ANKS1B: variants seen among roughly 807,000 people sequenced by gnomAD.
ANKS1B encodes the protein ankyrin repeat and sterile alpha motif domain-containing protein 1B.
Under a neutral mutation model 148.3 loss-of-function variants are expected in ANKS1B, and 36 were observed. That is an observed-to-expected ratio of 0.24 (90% CI 0.19 to 0.32). The LOEUF (loss-of-function observed/expected upper bound fraction) is 0.32. ANKS1B is among the 10% of genes least tolerant of loss of function. The probability of loss-of-function intolerance (pLI) is 1.00; values close to 1 mark genes in which losing one functional copy is unlikely to be tolerated. For missense variants in ANKS1B, 1,157 were observed against 1,542.6 expected (o/e 0.75, Z 4.19); for synonymous variants, 542 against 560.8 (o/e 0.97, Z 0.47).
intron 14 of ANKS1B, among the ~76,000 whole-genome samples, chr12:99,237,727 G>T (rs1174430151): frequency 6.6e-6 from 1 of 152,136 alleles, no homozygotes; most frequent in Non-Finnish European, 1.5e-5. Flanking sequence ...ATGCTTTGAA[G>T]TGCTTCATAC....
At chr12:99,652,758 C>T (rs1240028245) in intron 9 of ANKS1B, among the ~76,000 whole-genome samples, 1 of 151,848 alleles carries the variant, frequency 6.6e-6, no homozygotes, top group Non-Finnish European at 1.5e-5. Flanking sequence ...AATAGGAAGG[C>T]AGAAATAAAC....
intron 12 of ANKS1B, among the ~76,000 whole-genome samples, chr12:99,288,767 G>C (rs974097066): frequency 1.3e-5 from 2 of 151,914 alleles, no homozygotes; most frequent in African/African-American, 4.8e-5. Context: ...CCTACAACAG[G>C]TATAAAAATA....
At position 99,844,930 on chromosome 12, in the gene ANKS1B, T is replaced by C. The variant is rs140747426; in HGVS notation, c.135-19541A>G. On this transcript the variant is annotated intron_variant, in intron 1 of 26. Coordinates refer to ENST00000683438, the MANE Select transcript of ANKS1B (RefSeq NM_001352186.2). ...TCTTTGAGCAGGGGTTTGTAGTTCTTTTTAAAGAGGTCCTTCACTTCCCTT... is the reference window on the plus strand; with the variant it reads ...TCTTTGAGCAGGGGTTTGTAGTTCTCTTTAAAGAGGTCCTTCACTTCCCTT... Among the ~76,000 whole-genome samples, 1,201 of 152,178 alleles carry C rather than the reference T, an allele frequency of 7.9e-3. 16 individuals are homozygous for C. The highest frequency in any genetic ancestry group is 0.027 in the African/African-American group (1,135 of 41,534).
chr12:99,562,026 T>C (rs186207861), intron 9 of ANKS1B, among the ~76,000 whole-genome samples: 2 of 152,360 alleles, frequency 1.3e-5, no homozygotes, highest in Admixed American at 1.3e-4. Flanking sequence ...GCTTGCAGAA[T>C]AGATGCTGTG....
At chr12:99,949,740 C>A (rs773365491) in intron 1 of ANKS1B, among the ~76,000 whole-genome samples, 4 of 152,156 alleles carry the variant, frequency 2.6e-5, no homozygotes, top group Non-Finnish European at 4.4e-5. Flanking sequence ...TAAACTATGG[C>A]CCACAGGGCA....
intron 12 of ANKS1B, among the ~76,000 whole-genome samples, chr12:99,362,359 G>T (rs1355157240): frequency 6.6e-6 from 1 of 151,876 alleles, no homozygotes; most frequent in Non-Finnish European, 1.5e-5. Flanking sequence ...AAGATCCTAC[G>T]AGAGGGGTTC....
chr12:99,480,471 T>C (rs2096393959), intron 10 of ANKS1B, among the ~76,000 whole-genome samples: 11 of 151,910 alleles, frequency 7.2e-5, no homozygotes, highest in Admixed American at 7.2e-4. Flanking sequence ...TAGATACTAA[T>C]GTTTTCACAT....
intron 8 of ANKS1B, among the ~76,000 whole-genome samples, chr12:99,721,635 G>A (rs746848399): frequency 3.9e-5 from 6 of 152,036 alleles, no homozygotes; most frequent in African/African-American, 4.8e-5. Flanking sequence ...ATCTCCCTTC[G>A]CTGACTCTCT....
chr12:98,877,062 C>T (rs1186484793), intron 17 of ANKS1B, among the ~76,000 whole-genome samples: 1 of 152,174 alleles, frequency 6.6e-6, no homozygotes, highest in Non-Finnish European at 1.5e-5. Flanking sequence ...AGAGTAGCAA[C>T]ACAGCCAATC....
At chr12:99,979,512 T>A (rs891702281) in intron 1 of ANKS1B, among the ~76,000 whole-genome samples, 2 of 152,064 alleles carry the variant, frequency 1.3e-5, no homozygotes, top group African/African-American at 4.8e-5. Context: ...AACAAATAAC[T>A]TCAGGAGATT....
intron 17 of ANKS1B, among the ~76,000 whole-genome samples, chr12:99,047,021 T>C (rs138399930): frequency 8.1e-4 from 123 of 152,232 alleles, no homozygotes; most frequent in African/African-American, 2.8e-3. Context: ...AATAGGACAT[T>C]GGTGAACTGT....
intron 17 of ANKS1B, among the ~76,000 whole-genome samples, chr12:98,863,468 T>A (rs898828988): frequency 6.6e-6 from 1 of 152,242 alleles, no homozygotes; most frequent in Non-Finnish European, 1.5e-5. Flanking sequence ...TGTGCCTGGT[T>A]AGGTGGAGAC....
intron 1 of ANKS1B, among the ~76,000 whole-genome samples, chr12:99,972,344 G>C (rs1300166817): frequency 1.3e-5 from 2 of 152,310 alleles, no homozygotes; most frequent in East Asian, 3.9e-4. Context: ...TAGCCAAGCT[G>C]CAAATGCAAA....
intron 8 of ANKS1B, among the ~76,000 whole-genome samples, chr12:99,667,276 G>A (rs1321019694): frequency 6.6e-6 from 1 of 151,784 alleles, no homozygotes; most frequent in Non-Finnish European, 1.5e-5. Context: ...TTGAGCCCGG[G>A]AGGCGGAGGT....
At position 99,547,023 on chromosome 12, in the gene ANKS1B, A is replaced by C. The variant is rs559359579; in HGVS notation, c.1273-42382T>G. 5.3e-5 allele frequency among the ~76,000 whole-genome samples: 8 copies of C among 152,220 alleles called. No individual in the cohort carries two copies. In the East Asian group the frequency reaches 1.2e-3, roughly 22 times the overall value. ...GCTGAGATCCCTACAGCAGTGGGACACTGGGTGGACTCTGGGGGGAAATCT... is the reference window on the plus strand; with the variant it reads ...GCTGAGATCCCTACAGCAGTGGGACCCTGGGTGGACTCTGGGGGGAAATCT... On this transcript the variant is annotated intron_variant, in intron 9 of 26. Transcript: ENST00000683438.
chr12:98,784,895 A>G (rs1429288047), intron 22 of ANKS1B, among the ~76,000 whole-genome samples: 6 of 152,196 alleles, frequency 3.9e-5, no homozygotes. Flanking sequence ...TATGAATGGC[A>G]GTGTTGGGGG....
chr12:99,781,355 A>C (rs916633677), intron 5 of ANKS1B, among the ~76,000 whole-genome samples: 1 of 152,180 alleles, frequency 6.6e-6, no homozygotes, highest in Non-Finnish European at 1.5e-5. Flanking sequence ...CCATAACATG[A>C]AAAATTCCAT....
At chr12:99,874,848 T>C (rs1303987166) in intron 1 of ANKS1B, among the ~76,000 whole-genome samples, 1 of 152,210 alleles carries the variant, frequency 6.6e-6, no homozygotes, top group Non-Finnish European at 1.5e-5. Context: ...ACAAGACTGG[T>C]GTGATGTTCA....
intron 10 of ANKS1B, among the ~76,000 whole-genome samples, chr12:99,471,860 G>T (rs1038347686): frequency 3.3e-5 from 5 of 152,046 alleles, no homozygotes; most frequent in Admixed American, 2.0e-4. Context: ...TAAAAACAGA[G>T]ATAAATTTAC....
Sources: allele counts gnomAD v4.1 joint callset (sites outside exome capture counted in the v4.1 genomes callset), GRCh38; gene constraint gnomAD v4.1.1; transcripts MANE v1.5; gene names NCBI Gene and HGNC (gene_info 2026-07-23, HGNC 2026-07-21).